The following UBE2E2 variants were observed in gnomAD, a reference collection of about 807,000 sequenced individuals.
The protein encoded by UBE2E2 is ubiquitin conjugating enzyme E2 E2.
In UBE2E2, 6 loss-of-function variants were observed where a neutral mutation model predicts 24.7. The ratio of observed to expected loss-of-function variants is 0.24; its 90% CI spans 0.13 to 0.48. The LOEUF (loss-of-function observed/expected upper bound fraction) is 0.48, where lower values mean the gene tolerates loss of function less well. Among genes scored for constraint, UBE2E2 ranks in the 20% least tolerant of loss-of-function variants. The pLI, the probability that UBE2E2 is intolerant of heterozygous loss-of-function variation, is 0.99. For missense variants in UBE2E2, 169 were observed against 245.0 expected, an observed-to-expected ratio of 0.69 and a Z score of 2.07; for synonymous variants, 104 against 83.6, an observed-to-expected ratio of 1.24 and a Z score of -1.33.
At chr3:23,310,825 A>T (rs923752330) in intron 3 of UBE2E2, among the ~76,000 whole-genome samples, 2 of 152,202 alleles carry the variant, frequency 1.3e-5, no homozygotes, top group African/African-American at 4.8e-5. Flanking sequence ...TAAGGATAAG[A>T]TAATAAGGAT....
intron 3 of UBE2E2, among the ~76,000 whole-genome samples, chr3:23,309,142 C>T (rs1488719312): frequency 6.6e-6 from 1 of 152,178 alleles, no homozygotes; most frequent in African/African-American, 2.4e-5. Flanking sequence ...GGCAGGTCTT[C>T]CTCTCTCAGT....
intron 3 of UBE2E2, among the ~76,000 whole-genome samples, chr3:23,406,033 A>G (rs146797619): frequency 1.8e-4 from 27 of 152,348 alleles, no homozygotes; most frequent in Admixed American, 5.9e-4. Flanking sequence ...TGTGAAGAAT[A>G]TGTGTTTGTT....
chr3:23,497,871 A>G (rs559649750), intron 3 of UBE2E2, among the ~76,000 whole-genome samples: 18 of 152,196 alleles, frequency 1.2e-4, no homozygotes, highest in Non-Finnish European at 2.4e-4. Context: ...AGATGAGCCT[A>G]TATTCTCATC....
At chr3:23,217,002 A>G (rs995988550) in intron 2 of UBE2E2, among the ~76,000 whole-genome samples, 1 of 152,126 alleles carries the variant, frequency 6.6e-6, no homozygotes, top group African/African-American at 2.4e-5. Flanking sequence ...AATTTTAATT[A>G]GTGCTGTCAG....
chr3:23,465,138 C>A (rs1022586894), intron 3 of UBE2E2, among the ~76,000 whole-genome samples: 1 of 152,154 alleles, frequency 6.6e-6, no homozygotes, highest in Non-Finnish European at 1.5e-5. Context: ...ACCCTTATTT[C>A]TACATGTCAT....
At chr3:23,498,133 G>C (rs1699645095) in intron 3 of UBE2E2, among the ~76,000 whole-genome samples, 1 of 151,464 alleles carries the variant, frequency 6.6e-6, no homozygotes. Flanking sequence ...TTTTTTAGTT[G>C]ATTCTTAGGA....
At chr3:23,565,389 C>A (rs1164657917) in intron 5 of UBE2E2, among the ~76,000 whole-genome samples, 3 of 143,748 alleles carry the variant, frequency 2.1e-5, no homozygotes, top group Non-Finnish European at 4.5e-5. Context: ...CTCTCATGAA[C>A]AGTGAGAAAC....
chr3:23,388,605 A>G (rs1696861918), intron 3 of UBE2E2, among the ~76,000 whole-genome samples: 1 of 152,202 alleles, frequency 6.6e-6, no homozygotes, highest in South Asian at 2.1e-4. Flanking sequence ...CTAATGAAAT[A>G]TTTCAGATTA....
intron 3 of UBE2E2, among the ~76,000 whole-genome samples, chr3:23,374,974 A>G (rs930551416): frequency 2.6e-5 from 4 of 152,092 alleles, no homozygotes; most frequent in Non-Finnish European, 5.9e-5. Context: ...TTTAATTATT[A>G]CATACCTTAA....
At chr3:23,456,002 C>A (rs1049639596) in intron 3 of UBE2E2, among the ~76,000 whole-genome samples, 10 of 152,234 alleles carry the variant, frequency 6.6e-5, no homozygotes, top group Non-Finnish European at 1.2e-4. Flanking sequence ...TCAAACTCTG[C>A]CACGGCTTTA....
intron 3 of UBE2E2, among the ~76,000 whole-genome samples, chr3:23,227,627 A>G (rs770316676): frequency 2.5e-4 from 38 of 152,190 alleles, no homozygotes; most frequent in Admixed American, 5.2e-4. Context: ...CTCAGTTGCT[A>G]CAGTGTTGAG....
intron 3 of UBE2E2, among the ~76,000 whole-genome samples, chr3:23,435,772 G>A (rs188330086): frequency 3.9e-5 from 6 of 152,336 alleles, no homozygotes; most frequent in Admixed American, 3.9e-4. Flanking sequence ...CTTTGGTAAG[G>A]TGGATGGTTT....
chr3:23,551,755 TA>T (rs975155561), intron 5 of UBE2E2, among the ~76,000 whole-genome samples: 8 of 152,318 alleles, frequency 5.3e-5, no homozygotes, highest in African/African-American at 1.7e-4. Flanking sequence ...GATAGGGATG[TA>T]AAGCATGGTT....
Position 23,464,866 on chromosome 3 carries a change from A to T in UBE2E2, c.228-34742A>T, listed in dbSNP as rs143949677. 4.9e-3 allele frequency among the ~76,000 whole-genome samples: 739 copies of T among 152,324 alleles called. 7 individuals are homozygous for T. Among genetic ancestry groups the T allele is most frequent in the African/African-American group, 0.017 (702 of 41,582 alleles). On this transcript the variant is annotated intron_variant, in intron 3 of 5. Transcript: ENST00000396703. ...TGAGAAAATGCTTCTTTAATTACTA[A>T]GTGTTTTTCAAATGTCTGTGAAGTC...
At chr3:23,304,146 A>C (rs1699180805) in intron 3 of UBE2E2, among the ~76,000 whole-genome samples, 1 of 152,202 alleles carries the variant, frequency 6.6e-6, no homozygotes, top group African/African-American at 2.4e-5. Context: ...ACCTTGTATA[A>C]GATTAAAACT....
At chr3:23,320,050 T>C (rs1203002790) in intron 3 of UBE2E2, among the ~76,000 whole-genome samples, 2 of 152,154 alleles carry the variant, frequency 1.3e-5, no homozygotes, top group Non-Finnish European at 2.9e-5. Context: ...AGCCACCATA[T>C]GTGAAAGTCT....
At chr3:23,211,735 G>GATTTC (rs1459881595) in intron 2 of UBE2E2, among the ~76,000 whole-genome samples, 1 of 152,054 alleles carries the variant, frequency 6.6e-6, no homozygotes, top group Non-Finnish European at 1.5e-5. Context: ...TCAAAGCCTC[G>GATTTC]ATTTCTTCTT....
At chr3:23,408,902 A>C (rs1177818397) in intron 3 of UBE2E2, among the ~76,000 whole-genome samples, 1 of 152,108 alleles carries the variant, frequency 6.6e-6, no homozygotes, top group Non-Finnish European at 1.5e-5. Flanking sequence ...TTAGCCTTTG[A>C]GTTTTATGTG....
intron 3 of UBE2E2, among the ~76,000 whole-genome samples, chr3:23,336,498 A>T (rs1695215230): frequency 6.6e-6 from 1 of 152,258 alleles, no homozygotes; most frequent in African/African-American, 2.4e-5. Flanking sequence ...CTGAGAATAC[A>T]GAATCAGTGG....
Sources: allele counts gnomAD v4.1 joint callset (sites outside exome capture counted in the v4.1 genomes callset), GRCh38; gene constraint gnomAD v4.1.1; transcripts MANE v1.5; gene names NCBI Gene and HGNC (gene_info 2026-07-23, HGNC 2026-07-21).